The following VTI1A variants were observed in gnomAD, a reference collection of about 807,000 sequenced individuals.
VTI1A encodes the protein vesicle transport through interaction with t-SNAREs homolog 1A.
A neutral mutation model predicts 34.9 loss-of-function variants in VTI1A; 22 were observed. The ratio of observed to expected loss-of-function variants is 0.63; its 90% CI spans 0.45 to 0.90. The LOEUF (loss-of-function observed/expected upper bound fraction) is 0.90. VTI1A is among the 40% of genes least tolerant of loss of function. VTI1A has a pLI of 0.00. For synonymous variants in VTI1A, 87 were observed against 97.3 expected (o/e 0.89, Z 0.62); for missense variants, 268 against 275.6 (o/e 0.97, Z 0.20).
chr10:112,661,066 C>T (rs1231340918), intron 5 of VTI1A, among the ~76,000 whole-genome samples: 5 of 152,172 alleles, frequency 3.3e-5, no homozygotes, highest in East Asian at 1.9e-4. Context: ...CTGCAACCTC[C>T]GCCTCCTGGG....
chr10:112,583,135 A>G (rs1844014799), intron 5 of VTI1A, among the ~76,000 whole-genome samples: 1 of 152,220 alleles, frequency 6.6e-6, no homozygotes, highest in African/African-American at 2.4e-5. Flanking sequence ...AGCGATGATC[A>G]AGAGCAGAGT....
At chr10:112,558,370 C>G (rs1183504592) in intron 5 of VTI1A, among the ~76,000 whole-genome samples, 1 of 151,952 alleles carries the variant, frequency 6.6e-6, no homozygotes, top group Non-Finnish European at 1.5e-5. Context: ...AGGGAAAAAC[C>G]TCTGATTTTA....
intron 7 of VTI1A, among the ~76,000 whole-genome samples, chr10:112,725,872 G>T (rs1211294314): frequency 1.3e-5 from 2 of 152,048 alleles, no homozygotes; most frequent in African/African-American, 4.8e-5. Context: ...TCTTTGATCG[G>T]TGAGATCCCC....
chr10:112,779,697 C>T (rs1032606121), intron 7 of VTI1A, among the ~76,000 whole-genome samples: 1 of 152,196 alleles, frequency 6.6e-6, no homozygotes, highest in Non-Finnish European at 1.5e-5. Context: ...CTCCAATCAA[C>T]ATATGTTTTT....
At chr10:112,700,814 A>T (rs1390141605) in intron 7 of VTI1A, among the ~76,000 whole-genome samples, 1 of 152,220 alleles carries the variant, frequency 6.6e-6, no homozygotes, top group Non-Finnish European at 1.5e-5. Context: ...AAAGTTACAG[A>T]TATTATATGA....
chr10:112,632,094 G>A (rs533698384), intron 5 of VTI1A, among the ~76,000 whole-genome samples: 1 of 152,204 alleles, frequency 6.6e-6, no homozygotes, highest in East Asian at 1.9e-4. Flanking sequence ...CATCAGTTGG[G>A]GTAGTATTCT....
the VTI1A span, among the ~76,000 whole-genome samples, chr10:112,830,849 A>ATATATATATATATATATT: frequency 6.3e-4 from 21 of 33,482 alleles, no homozygotes; most frequent in East Asian, 4.4e-3. Context: ...ATATATATAT[A>ATATATATATATATATATT]TTTTTTTTTT....
At chr10:112,631,869 G>GC (rs1846142773) in intron 5 of VTI1A, among the ~76,000 whole-genome samples, 1 of 152,160 alleles carries the variant, frequency 6.6e-6, no homozygotes, top group East Asian at 1.9e-4. Flanking sequence ...GCCCAGGATT[G>GC]CTCAATCTGG....
intron 7 of VTI1A, among the ~76,000 whole-genome samples, chr10:112,799,547 G>C (rs1852800627): frequency 6.6e-6 from 1 of 152,152 alleles, no homozygotes; most frequent in South Asian, 2.1e-4. Context: ...ACAGCCTGCA[G>C]ACTGGATCTC....
intron 5 of VTI1A, among the ~76,000 whole-genome samples, chr10:112,622,780 T>C (rs1845781676): frequency 6.6e-6 from 1 of 152,222 alleles, no homozygotes; most frequent in Admixed American, 6.5e-5. Flanking sequence ...AATTTAAAAA[T>C]CTGAAGTACA....
chr10:112,681,021 T>G (rs1289984923), intron 7 of VTI1A, among the ~76,000 whole-genome samples: 2 of 152,046 alleles, frequency 1.3e-5, no homozygotes, highest in African/African-American at 4.8e-5. Context: ...AAAGTTAATA[T>G]AATGTGAAAG....
intron 5 of VTI1A, among the ~76,000 whole-genome samples, chr10:112,637,241 G>C (rs1846389489): frequency 6.6e-6 from 1 of 152,082 alleles, no homozygotes; most frequent in African/African-American, 2.4e-5. Context: ...TTCATTGAAG[G>C]GTGTGAACAT....
chr10:112,850,358 GAA>G, the VTI1A span, among the ~76,000 whole-genome samples: 2 of 143,788 alleles, frequency 1.4e-5, no homozygotes, highest in African/African-American at 2.6e-5. Context: ...ACCTTTAAAG[GAA>G]AAAAAAAAAA....
chr10:112,678,722 G>A (rs531794777), intron 7 of VTI1A, among the ~76,000 whole-genome samples: 3 of 152,322 alleles, frequency 2.0e-5, no homozygotes, highest in Non-Finnish European at 2.9e-5. Context: ...AGCAAGCTCA[G>A]TAACAGCTCA....
chr10:112,617,952 G>A (rs1042370311), intron 5 of VTI1A, among the ~76,000 whole-genome samples: 5 of 152,150 alleles, frequency 3.3e-5, no homozygotes, highest in Admixed American at 6.5e-5. Flanking sequence ...TCAGCGGTTC[G>A]AGACCAGCCT....
At chr10:112,602,996 A>G (rs1047923421) in intron 5 of VTI1A, among the ~76,000 whole-genome samples, 5 of 152,188 alleles carry the variant, frequency 3.3e-5, no homozygotes, top group African/African-American at 1.2e-4. Context: ...TGTGTCACCT[A>G]GTTATCTGTG....
chr10:112,832,573 T>G, the VTI1A span: 1 of 152,340 alleles, frequency 6.6e-6, no homozygotes, highest in East Asian at 1.9e-4. Flanking sequence ...CCAAGTTGGC[T>G]CCGGTGGAGT....
chr10:112,509,483 A>G (rs1356397002), intron 3 of VTI1A, among the ~76,000 whole-genome samples: 1 of 152,222 alleles, frequency 6.6e-6, no homozygotes, highest in Admixed American at 6.5e-5. Context: ...AGAAAAAAGA[A>G]TGACCTCTTC....
chr10:112,507,129 C>T (rs1374324827), intron 3 of VTI1A, among the ~76,000 whole-genome samples: 1 of 152,094 alleles, frequency 6.6e-6, no homozygotes, highest in Non-Finnish European at 1.5e-5. Context: ...ATCTGATCTT[C>T]AGTTGGACTG....
Sources: allele counts gnomAD v4.1 joint callset (sites outside exome capture counted in the v4.1 genomes callset), GRCh38; gene constraint gnomAD v4.1.1; transcripts MANE v1.5; gene names NCBI Gene and HGNC (gene_info 2026-07-23, HGNC 2026-07-21).